The following CCNF variants were observed in gnomAD, a reference collection of about 807,000 sequenced individuals.
CCNF encodes cyclin F.
A neutral mutation model predicts 85.4 loss-of-function variants in CCNF; 30 were observed. That is an observed-to-expected ratio of 0.35 (90% CI 0.26 to 0.48). The LOEUF (loss-of-function observed/expected upper bound fraction) is 0.48. Among genes scored for constraint, CCNF ranks in the 20% least tolerant of loss-of-function variants. The pLI is 0.99. For missense variants in CCNF, 919 were observed against 1,010.4 expected (o/e 0.91, Z 1.23); for synonymous variants, 439 against 425.1 (o/e 1.03, Z -0.40).
chr16:2,444,341 C>T lies in CCNF; in HGVS notation c.929+541C>T, dbSNP rs1448229136. 2.0e-5 allele frequency among the ~76,000 whole-genome samples: 3 copies of T among 150,998 alleles called. No homozygotes were observed. The South Asian group carries it at 6.3e-4, about 32-fold the overall frequency. On this transcript the variant is annotated intron_variant, in intron 9 of 16. Transcript: ENST00000397066. Reference sequence around the variant, plus strand: ...TTGAGACGGAGTCTTGCTCTGTCACCCAGGCTGGAGTGCAGTGGCGTGATC... The same window carrying T: ...TTGAGACGGAGTCTTGCTCTGTCACTCAGGCTGGAGTGCAGTGGCGTGATC...
Position 2,453,587 on chromosome 16 carries a change from G to A in CCNF, c.1715+50G>A, listed in dbSNP as rs746181188. 9 of 1,609,962 alleles carry A rather than the reference G, an allele frequency of 5.6e-6. No homozygotes were observed. Among genetic ancestry groups the A allele is most frequent in the South Asian group, 1.1e-5 (1 of 90,968 alleles). ...CGCCATACAATGCTGGCATCCTCGTGCCGGCCCAGTTCCCTCAGCGCTTCC... is the reference window on the plus strand; with the variant it reads ...CGCCATACAATGCTGGCATCCTCGTACCGGCCCAGTTCCCTCAGCGCTTCC... On this transcript the variant is annotated intron_variant, in intron 15 of 16. Coordinates refer to ENST00000397066, the MANE Select transcript of CCNF (RefSeq NM_001761.3). This position sits in a 1 kb window ranked among gnomAD's most constrained non-coding sequence, Gnocchi z 5.6.
At chr16:2,435,652 T>C (rs1337322322) in intron 3 of CCNF, among the ~76,000 whole-genome samples, 154 bp from the exon 4 acceptor site, 1 of 99,470 alleles carries the variant, frequency 1.0e-5, no homozygotes, top group Non-Finnish European at 1.8e-5. Context: ...CACATATATA[T>C]ATGCACACAC....
In CCNF at chr16:2,457,164, T is replaced by C; in HGVS notation, c.*144T>C. On this transcript the variant is annotated 3_prime_UTR_variant, in exon 17 of 17. Coordinates refer to ENST00000397066, the MANE Select transcript of CCNF (RefSeq NM_001761.3). ...ATGACTTGCGGCCACCAAGTTTCTG[T>C]CTCCGCGGGAGTCCCGTGCAAGCCA... The C allele has an allele frequency of 1.6e-6, 1 of 612,978 alleles. No homozygotes were observed. Among genetic ancestry groups the C allele is most frequent in the Non-Finnish European group, 2.8e-6 (1 of 356,640 alleles). 38.0% of individuals were successfully genotyped at this position (612,978 alleles called of 1,614,324 possible).
chr16:2,453,465 A>AC lies in CCNF; in HGVS notation c.1649dup (p.Thr551AspfsTer66), dbSNP rs748608463. On this transcript the variant is annotated frameshift_variant, in exon 15 of 17. Coordinates refer to ENST00000397066, the MANE Select transcript of CCNF (RefSeq NM_001761.3). LOFTEE classifies it high-confidence loss of function. The surrounding 1 kb of genome is among the most constrained non-coding windows in gnomAD (Gnocchi z 5.6). Reference sequence around the variant, plus strand: ...TTAGGAGTGACACAAGACAGCCCCGACCCCCCGACTTTCCTCAGCACAGGG... The same window carrying AC: ...TTAGGAGTGACACAAGACAGCCCCGACCCCCCCGACTTTCCTCAGCACAGGG... The AC allele has an allele frequency of 6.2e-7, 1 of 1,612,102 alleles. No individual in the cohort carries two copies. The highest frequency in any genetic ancestry group is 8.5e-7 in the Non-Finnish European group (1 of 1,179,522).
In CCNF at chr16:2,456,910, C is replaced by T. The variant is rs142532028; in HGVS notation, c.2251C>T (p.Arg751Cys). 3.0e-4 allele frequency: 482 copies of T among 1,614,140 alleles called. No homozygotes were observed. The highest frequency in any genetic ancestry group is 8.2e-4 in the South Asian group (75 of 91,076). The change falls in exon 17 of 17, where the codon CGT becomes TGT. Residue 751 changes from arginine (R) to cysteine (C), a missense_variant. Around this residue, in one of 3 missense-constraint regions of CCNF, gnomAD observed 505 missense variants for 514.8 expected, o/e 0.98. Transcript: ENST00000397066. The surrounding 1 kb of genome is among the most constrained non-coding windows in gnomAD (Gnocchi z 4.5). ...HQARKSCLQC[R>C]PPSPPESSVP... ...GGCCAGGAAGTCATGTTTACAGTGT[C>T]GTCCCCCAAGTCCCCCGGAGAGCAG... is the stretch of plus-strand genomic sequence containing the variant.
intron 7 of CCNF, 39 bp downstream of exon 7, chr16:2,439,496 G>C: frequency 7.1e-7 from 1 of 1,418,212 alleles, no homozygotes; most frequent in South Asian, 1.2e-5. Context: ...GAGTTATGCT[G>C]GACAAAGGCG....
rs796493001 is a variant in CCNF at position 2,442,682 on chromosome 16, C to A, written c.778-967C>A. ...TAATATATAATATTATATATAATAT[C>A]ATATTATTATATAATAATTATATAT... On this transcript the variant is annotated intron_variant, in intron 8 of 16. Transcript: ENST00000397066. Among the ~76,000 whole-genome samples the A allele has an allele frequency of 9.6e-3, 37 of 3,838 alleles. 12 individuals carry two copies. The highest frequency in any genetic ancestry group is 0.039 in the Admixed American group (6 of 152). 2.5% of individuals were successfully genotyped at this position (3,838 alleles called of 152,430 possible).
chr16:2,449,871 CTA>C lies in CCNF; in HGVS notation c.1445_1446del (p.Tyr482Ter). 1 of 1,613,838 alleles carries C rather than the reference CTA, an allele frequency of 6.2e-7. No individual in the cohort carries two copies. ...AGCTGTGGGACCTCACCGGATTCTC[CTA>C]TGAAGACCTCATTCCCTGCGTCTTG... ...TQLWDLTGFSYEDLIPCVLSL... is the reference protein window; with the variant it reads ...TQLWDLTGFSXEDLIPCVLSL... On this transcript the variant is annotated frameshift_variant, in exon 13 of 17. Coordinates refer to ENST00000397066, the MANE Select transcript of CCNF (RefSeq NM_001761.3). LOFTEE classifies it high-confidence loss of function.
At position 2,440,028 on chromosome 16, in the gene CCNF, G is replaced by A. The variant is rs138178557; in HGVS notation, c.777+202G>A. On this transcript the variant is annotated intron_variant, in intron 8 of 16. Coordinates refer to ENST00000397066, the MANE Select transcript of CCNF (RefSeq NM_001761.3). ...TACACTGTGAGAAGAGCTGGGAAAT[G>A]CGTTATTCATCTCTGCCTATCCACT... Among the ~76,000 whole-genome samples, 950 of 152,312 alleles carry A rather than the reference G, an allele frequency of 6.2e-3. 6 individuals carry two copies. Among genetic ancestry groups the A allele is most frequent in the Non-Finnish European group, 9.3e-3 (632 of 68,026 alleles).
In CCNF at chr16:2,429,998, C is replaced by T. The variant is rs565045507; in HGVS notation, c.16+501C>T. On this transcript the variant is annotated intron_variant, in intron 1 of 16. Coordinates refer to ENST00000397066, the MANE Select transcript of CCNF (RefSeq NM_001761.3). ...GCACAGGAAACACGAACTGTGGTTTCAGCTATTATCATAGTATCTGTCCTG... is the reference window on the plus strand; with the variant it reads ...GCACAGGAAACACGAACTGTGGTTTTAGCTATTATCATAGTATCTGTCCTG... Among the ~76,000 whole-genome samples, 380 of 152,330 alleles carry T rather than the reference C, an allele frequency of 2.5e-3. 1 individual carries two copies. Among genetic ancestry groups the T allele is most frequent in the Middle Eastern group, 0.024 (7 of 294 alleles).
At chr16:2,439,932 C>A in intron 8 of CCNF, 106 bp downstream of exon 8, 10 of 948,978 alleles carry the variant, frequency 1.1e-5, no homozygotes, top group Non-Finnish European at 1.7e-5. Flanking sequence ...ATCTGGGCTC[C>A]CACATGGGAG....
At chr16:2,446,068 C>G (rs1056755163) in intron 10 of CCNF, among the ~76,000 whole-genome samples, 4 of 152,204 alleles carry the variant, frequency 2.6e-5, no homozygotes, top group African/African-American at 7.2e-5. Context: ...AGTGTCCCAC[C>G]TGGTCAGACA....
At chr16:2,442,344 T>A (rs1011389877) in intron 8 of CCNF, among the ~76,000 whole-genome samples, 1 of 127,524 alleles carries the variant, frequency 7.8e-6, no homozygotes, top group Non-Finnish European at 1.6e-5. Flanking sequence ...ATTAGATATA[T>A]TTATAATATC....
At chr16:2,440,776 T>G (rs1567385277) in intron 8 of CCNF, among the ~76,000 whole-genome samples, 1 of 151,996 alleles carries the variant, frequency 6.6e-6, no homozygotes. Context: ...GGTGTTCACG[T>G]CCAAAAAGCC....
At chr16:2,438,200 C>A in intron 6 of CCNF, 77 bp downstream of exon 6, 2 of 1,121,444 alleles carry the variant, frequency 1.8e-6, no homozygotes, top group South Asian at 1.2e-5. Flanking sequence ...TGAAAAGCAG[C>A]AGAAGGGGGT....
At position 2,448,221 on chromosome 16, in the gene CCNF, C is replaced by T. The variant is rs188468924; in HGVS notation, c.1095-634C>T. Among the ~76,000 whole-genome samples, 27 of 152,352 alleles carry T rather than the reference C, an allele frequency of 1.8e-4. 1 individual carries two copies. The highest frequency in any genetic ancestry group is 1.4e-3 in the Admixed American group (22 of 15,304). On this transcript the variant is annotated intron_variant, in intron 10 of 16. Transcript: ENST00000397066. Reference sequence around the variant, plus strand: ...CTTCTGGGTCTATAACATTTCTACCCCACTGATAGAGCTGTCACGTGACAG... The same window carrying T: ...CTTCTGGGTCTATAACATTTCTACCTCACTGATAGAGCTGTCACGTGACAG...
chr16:2,455,039 G>A (rs562844091), intron 15 of CCNF, among the ~76,000 whole-genome samples: 20 of 124,066 alleles, frequency 1.6e-4, no homozygotes, highest in African/African-American at 5.3e-4. Flanking sequence ...TAGCCTGGGC[G>A]ACAGAGCAAG....
At chr16:2,439,547 G>T in intron 7 of CCNF, 90 bp downstream of exon 7, 1 of 1,043,198 alleles carries the variant, frequency 9.6e-7, no homozygotes, top group Non-Finnish European at 1.4e-6. Context: ...GTCCACAAAA[G>T]GGAGGTGGCT....
At chr16:2,444,008 C>T (rs1207182036) in intron 9 of CCNF, among the ~76,000 whole-genome samples, 2 of 151,794 alleles carry the variant, frequency 1.3e-5, no homozygotes, top group Non-Finnish European at 2.9e-5. Context: ...CAAGCTCCGC[C>T]TCCTGGGTTC....
Sources: allele counts gnomAD v4.1 joint callset (sites outside exome capture counted in the v4.1 genomes callset), GRCh38; gene constraint gnomAD v4.1.1; regional missense constraint gnomAD v4.1.1; non-coding constraint Gnocchi (gnomAD v3.1); transcripts MANE v1.5; gene names NCBI Gene and HGNC (gene_info 2026-07-23, HGNC 2026-07-21).